The following TNIK variants were observed in gnomAD, a reference collection of about 807,000 sequenced individuals.
TNIK encodes the protein TRAF2 and NCK-interacting protein kinase.
In TNIK, 49 loss-of-function variants were observed where a neutral mutation model predicts 191.3. That is an observed-to-expected ratio of 0.26 (90% CI 0.20 to 0.32). TNIK has a LOEUF of 0.32. Among genes scored for constraint, TNIK ranks in the 10% least tolerant of loss-of-function variants. The pLI is 1.00. For synonymous variants in TNIK, 594 were observed against 600.9 expected (o/e 0.99, Z 0.17); for missense variants, 1,155 against 1,702.3 (o/e 0.68, Z 5.66).
At chr3:171,098,004 C>T (rs983167012) in intron 22 of TNIK, among the ~76,000 whole-genome samples, 1 of 152,152 alleles carries the variant, frequency 6.6e-6, no homozygotes, top group Non-Finnish European at 1.5e-5. Context: ...GGAGACAAAT[C>T]TGTGCAGAAG....
chr3:171,369,910 T>A (rs189498715), intron 1 of TNIK, among the ~76,000 whole-genome samples: 2 of 152,330 alleles, frequency 1.3e-5, no homozygotes, highest in East Asian at 3.9e-4. Flanking sequence ...CTATGAAATG[T>A]GTTTAAATCA....
At chr3:171,302,792 C>CT (rs1479281021) in intron 2 of TNIK, among the ~76,000 whole-genome samples, 1 of 152,166 alleles carries the variant, frequency 6.6e-6, no homozygotes, top group Non-Finnish European at 1.5e-5. Flanking sequence ...CTTCTACCCT[C>CT]TCTCATTGCC....
intron 2 of TNIK, among the ~76,000 whole-genome samples, chr3:171,239,341 A>AG (rs1430275280): frequency 2.0e-5 from 3 of 152,248 alleles, no homozygotes; most frequent in Non-Finnish European, 1.5e-5. Context: ...GCAGGGATAT[A>AG]GGAATCTTGC....
intron 1 of TNIK, among the ~76,000 whole-genome samples, chr3:171,450,499 C>T (rs150371939): frequency 0.063 from 9,515 of 152,232 alleles, 582 homozygotes; most frequent in African/African-American, 0.16. Context: ...CGAATTTCAT[C>T]CTTGGACAAG....
chr3:171,450,088 G>T (rs1335834015), intron 1 of TNIK, among the ~76,000 whole-genome samples: 3 of 152,098 alleles, frequency 2.0e-5, no homozygotes, highest in Admixed American at 1.3e-4. Context: ...GGCTTAGTCT[G>T]CTTTCTTTCA....
intron 18 of TNIK, among the ~76,000 whole-genome samples, chr3:171,120,854 G>T (rs931563035): frequency 6.6e-6 from 1 of 152,120 alleles, no homozygotes; most frequent in Non-Finnish European, 1.5e-5. Flanking sequence ...AGTGAGGCAA[G>T]AAATATAATT....
rs187142874 is a variant in TNIK, at chr3:171,187,537, C to T, written c.639+1165G>A. ...TGAGACCTGATTTCAATAATAACCC[C>T]ACATGTCGAGAACTAAAAATATTCC... On this transcript the variant is annotated intron_variant, in intron 7 of 32. Coordinates refer to ENST00000436636, the MANE Select transcript of TNIK (RefSeq NM_015028.4). 4.2e-3 allele frequency among the ~76,000 whole-genome samples: 639 copies of T among 152,214 alleles called. 1 individual carries two copies. The highest frequency in any genetic ancestry group is 6.6e-3 in the Non-Finnish European group (451 of 68,024).
chr3:171,133,459 T>C (rs1729588418), intron 15 of TNIK, among the ~76,000 whole-genome samples: 1 of 152,234 alleles, frequency 6.6e-6, no homozygotes. Flanking sequence ...GAATACCATA[T>C]TTCATTTGAA....
intron 2 of TNIK, among the ~76,000 whole-genome samples, chr3:171,325,711 A>G (rs1437189858): frequency 1.3e-5 from 2 of 152,248 alleles, no homozygotes; most frequent in African/African-American, 2.4e-5. Context: ...TCAGTAAACT[A>G]TCAAGAATTT....
intron 2 of TNIK, among the ~76,000 whole-genome samples, chr3:171,247,152 A>C (rs961602202): frequency 6.6e-6 from 1 of 152,234 alleles, no homozygotes; most frequent in Admixed American, 6.5e-5. Context: ...CTTGGGAGTT[A>C]CAAGATCAGA....
chr3:171,316,784 TTCTTA>T (rs1754642108), intron 2 of TNIK, among the ~76,000 whole-genome samples: 1 of 151,966 alleles, frequency 6.6e-6, no homozygotes, highest in South Asian at 2.1e-4. Flanking sequence ...TGAATGATAG[TTCTTA>T]TATTACTATA....
chr3:171,271,183 T>A (rs71306700), intron 2 of TNIK, among the ~76,000 whole-genome samples: 14,601 of 152,270 alleles, frequency 0.096, 886 homozygotes, highest in Non-Finnish European at 0.13. Context: ...CTGCAACAAT[T>A]CTTTTCTAAT....
At chr3:171,154,564 A>C (rs780117950) in intron 12 of TNIK, among the ~76,000 whole-genome samples, 16 of 152,228 alleles carry the variant, frequency 1.1e-4, no homozygotes, top group Non-Finnish European at 2.2e-4. Flanking sequence ...CTTGAGCAGA[A>C]TCAAACATCA....
At position 171,106,149 on chromosome 3, in the gene TNIK, TCTC is replaced by T. The variant is rs200114026; in HGVS notation, c.2406+1031_2406+1033del. Among the ~76,000 whole-genome samples, 87 of 152,344 alleles carry T rather than the reference TCTC, an allele frequency of 5.7e-4. No individual in the cohort carries two copies. In the East Asian group the frequency reaches 0.016, roughly 28 times the overall value. On this transcript the variant is annotated intron_variant, in intron 21 of 32. Coordinates refer to ENST00000436636, the MANE Select transcript of TNIK (RefSeq NM_015028.4). Reference sequence around the variant, plus strand: ...AAGACCAGATACATGGAAACATGCTTCTCCTACCTGCCAAAATAGCTCCATGCC... The same window carrying T: ...AAGACCAGATACATGGAAACATGCTTCTACCTGCCAAAATAGCTCCATGCC...
intron 23 of TNIK, 117 bp from the exon 24 acceptor site, chr3:171,087,623 G>C: frequency 2.8e-6 from 3 of 1,088,156 alleles, no homozygotes; most frequent in Non-Finnish European, 4.0e-6. Context: ...TAGGGCATGA[G>C]AAGGTGATAT....
At chr3:171,358,322 G>A (rs1714449251) in intron 2 of TNIK, among the ~76,000 whole-genome samples, 1 of 152,174 alleles carries the variant, frequency 6.6e-6, no homozygotes, top group Non-Finnish European at 1.5e-5. Flanking sequence ...ACATGGCCGG[G>A]GAAGCCTCAC....
chr3:171,261,458 T>G (rs1039997833), intron 2 of TNIK, among the ~76,000 whole-genome samples: 1 of 152,212 alleles, frequency 6.6e-6, no homozygotes, highest in Admixed American at 6.5e-5. Flanking sequence ...AATGTCAATC[T>G]ACTTTCAAAC....
chr3:171,235,541 C>T (rs891048397), intron 2 of TNIK, among the ~76,000 whole-genome samples: 5 of 152,118 alleles, frequency 3.3e-5, no homozygotes, highest in African/African-American at 9.7e-5. Context: ...TCATTCAAAA[C>T]CCTGGTACCT....
intron 12 of TNIK, 131 bp from the exon 13 acceptor site, chr3:171,140,640 T>G: frequency 1.3e-6 from 1 of 781,024 alleles, no homozygotes; most frequent in Non-Finnish European, 2.1e-6. Flanking sequence ...TCCAAGGTTC[T>G]TCTCTCCGGG....
Sources: gnomAD v4.1 joint callset for allele counts (sites outside exome capture counted in the v4.1 genomes callset) on GRCh38, gnomAD v4.1.1 for gene constraint, MANE v1.5 for transcripts, NCBI Gene and HGNC (gene_info 2026-07-23, HGNC 2026-07-21) for gene names.